The following STON1 variants were observed in gnomAD, a reference collection of about 807,000 sequenced individuals.
STON1 encodes the protein stonin-1.
A neutral mutation model predicts 60.9 loss-of-function variants in STON1; 79 were observed. The ratio of observed to expected loss-of-function variants is 1.30; its 90% CI spans 1.08 to 1.56. The LOEUF is 1.56. Ranked by LOEUF, STON1 falls within the 40% of genes most tolerant of loss-of-function variation. The probability of loss-of-function intolerance (pLI) is 0.00; values close to 1 mark genes in which losing one functional copy is unlikely to be tolerated. For synonymous variants in STON1, 363 were observed against 306.9 expected (o/e 1.18, Z -1.91); for missense variants, 1,166 against 858.9 (o/e 1.36, Z -4.47).
intron 1 of STON1, among the ~76,000 whole-genome samples, chr2:48,557,962 C>T (rs1321504035): frequency 6.6e-6 from 1 of 152,182 alleles, no homozygotes; most frequent in Non-Finnish European, 1.5e-5. Context: ...GTGGCTCATG[C>T]CTGTAATCCC....
chr2:48,544,912 A>G (rs1291047074), intron 1 of STON1, among the ~76,000 whole-genome samples: 1 of 152,186 alleles, frequency 6.6e-6, no homozygotes, highest in South Asian at 2.1e-4. Context: ...GAACGTAGAG[A>G]AAAATTTTAA....
intron 1 of STON1, among the ~76,000 whole-genome samples, chr2:48,552,196 C>G (rs1384439756): frequency 6.6e-6 from 1 of 152,220 alleles, no homozygotes; most frequent in Non-Finnish European, 1.5e-5. Context: ...ATGTAAGCTT[C>G]TGTATGGATG....
chr2:48,535,994 G>C (rs538345836), intron 1 of STON1, among the ~76,000 whole-genome samples: 69 of 152,248 alleles, frequency 4.5e-4, no homozygotes, highest in African/African-American at 1.6e-3. Flanking sequence ...GGCTGAGATG[G>C]GAGGATCACT....
At chr2:48,564,586 TCCTCCTC>T (rs1672837564) in intron 1 of STON1, among the ~76,000 whole-genome samples, 3 of 65,828 alleles carry the variant, frequency 4.6e-5, no homozygotes, top group African/African-American at 1.0e-4. Context: ...CTTCTCCTCC[TCCTCCTC>T]CTCCTCCTCC....
At chr2:48,579,398 G>C (rs1673743444) in intron 1 of STON1, among the ~76,000 whole-genome samples, 1 of 151,954 alleles carries the variant, frequency 6.6e-6, no homozygotes, top group Non-Finnish European at 1.5e-5. Flanking sequence ...TTCCCTGTGA[G>C]TACTGTTTTG....
At chr2:48,542,789 A>C (rs1261590006) in intron 1 of STON1, among the ~76,000 whole-genome samples, 1 of 152,036 alleles carries the variant, frequency 6.6e-6, no homozygotes, top group African/African-American at 2.4e-5. Context: ...GTGTAATCCC[A>C]GCTACTCAGG....
chr2:48,579,317 T>TC (rs961813716), intron 1 of STON1, among the ~76,000 whole-genome samples: 15 of 150,290 alleles, frequency 1.0e-4, no homozygotes, highest in African/African-American at 3.6e-4. Flanking sequence ...CTTTCTTCCT[T>TC]TTTTTTTTTG....
chr2:48,590,869 T>C (rs1046296413), intron 2 of STON1, among the ~76,000 whole-genome samples: 1 of 152,172 alleles, frequency 6.6e-6, no homozygotes, highest in East Asian at 1.9e-4. Flanking sequence ...AGAATTACAG[T>C]AGGGAAAAAT....
At chr2:48,576,791 C>G (rs570852818) in intron 1 of STON1, among the ~76,000 whole-genome samples, 13 of 151,164 alleles carry the variant, frequency 8.6e-5, no homozygotes, top group Non-Finnish European at 1.2e-4. Flanking sequence ...CGCGGTGGCT[C>G]ACGCCTGTAA....
chr2:48,560,586 G>A (rs1672568242), intron 1 of STON1, among the ~76,000 whole-genome samples: 1 of 152,188 alleles, frequency 6.6e-6, no homozygotes, highest in African/African-American at 2.4e-5. Context: ...ATTTTTTGGA[G>A]AGTAGGAAGC....
chr2:48,579,477 TC>T (rs2103907021), intron 1 of STON1, among the ~76,000 whole-genome samples: 1 of 152,350 alleles, frequency 6.6e-6, no homozygotes, highest in East Asian at 1.9e-4. Flanking sequence ...TCTCCTTTGA[TC>T]CATTGGTTGT....
At chr2:48,593,735 G>A (rs1404829934) in intron 3 of STON1, among the ~76,000 whole-genome samples, 2 of 151,978 alleles carry the variant, frequency 1.3e-5, no homozygotes, top group Admixed American at 6.6e-5. Flanking sequence ...ACATGACATC[G>A]CTAATATCAA....
intron 1 of STON1, among the ~76,000 whole-genome samples, chr2:48,580,194 C>T (rs1474436616): frequency 6.6e-6 from 1 of 152,134 alleles, no homozygotes; most frequent in Non-Finnish European, 1.5e-5. Context: ...AGTTGTGACC[C>T]ACCATTCCCA....
intron 1 of STON1, among the ~76,000 whole-genome samples, chr2:48,564,476 CT>C (rs1558604671): frequency 1.4e-3 from 69 of 50,334 alleles, no homozygotes; most frequent in South Asian, 2.8e-3. Flanking sequence ...TCTTCTTCTT[CT>C]TCTTTCTTCT....
chr2:48,595,825 T>C lies in STON1; in HGVS notation c.*523T>C, dbSNP rs1291339394. 1 of 153,114 alleles carries C rather than the reference T, an allele frequency of 6.5e-6. No homozygotes were observed. Among genetic ancestry groups the C allele is most frequent in the East Asian group, 1.9e-4 (1 of 5,208 alleles). The allele number at this position is 153,114 out of a possible 1,614,324, so 9.5% of individuals were successfully genotyped here. ...TAAAATGTAGATCTGGAAGTATCTGTGCTTTTGAATTACTTATTTACCTGT... is the reference window on the plus strand; with the variant it reads ...TAAAATGTAGATCTGGAAGTATCTGCGCTTTTGAATTACTTATTTACCTGT... On this transcript the variant is annotated 3_prime_UTR_variant, in exon 4 of 4. Coordinates refer to ENST00000404752, the MANE Select transcript of STON1 (RefSeq NM_006873.4).
intron 1 of STON1, among the ~76,000 whole-genome samples, chr2:48,548,359 G>A (rs751268726): frequency 6.6e-6 from 1 of 152,178 alleles, no homozygotes; most frequent in Non-Finnish European, 1.5e-5. Flanking sequence ...TGGGGTAAAT[G>A]TAATCTAGAC....
intron 1 of STON1, among the ~76,000 whole-genome samples, chr2:48,564,486 CTT>C (rs1672794010): frequency 2.4e-4 from 6 of 24,678 alleles, no homozygotes; most frequent in African/African-American, 8.1e-4. Flanking sequence ...CTTCTTTCTT[CTT>C]CTTCTTCTTC....
At chr2:48,535,613 C>T (rs72822285) in intron 1 of STON1, among the ~76,000 whole-genome samples, 41,713 of 151,174 alleles carry the variant, frequency 0.28, 6,087 homozygotes, top group East Asian at 0.43. Context: ...GGGAGGCCGA[C>T]GTGGGGGGAT....
At chr2:48,554,707 A>ATTTTTTTTT (rs11475306) in intron 1 of STON1, among the ~76,000 whole-genome samples, 1 of 88,798 alleles carries the variant, frequency 1.1e-5, no homozygotes, top group Non-Finnish European at 2.3e-5. Context: ...TAAGTGCAAA[A>ATTTTTTTTT]TTTTTTTTTT....
Sources: gnomAD v4.1 joint callset for allele counts (sites outside exome capture counted in the v4.1 genomes callset) on GRCh38, gnomAD v4.1.1 for gene constraint, MANE v1.5 for transcripts, NCBI Gene and HGNC (gene_info 2026-07-23, HGNC 2026-07-21) for gene names.